Variants in ATF2 observed in about 807,000 individuals in gnomAD.
The protein encoded by ATF2 is cyclic AMP-dependent transcription factor ATF-2.
ATF2 carries 24 observed loss-of-function variants against 60.6 expected under a neutral mutation model. The ratio of observed to expected loss-of-function variants is 0.40; its 90% CI spans 0.29 to 0.56. ATF2 has a LOEUF of 0.56. Among genes scored for constraint, ATF2 ranks in the 20% least tolerant of loss-of-function variants. The probability of loss-of-function intolerance (pLI) is 0.54; values close to 1 mark genes in which losing one functional copy is unlikely to be tolerated. For missense variants in ATF2, 433 were observed against 607.7 expected, an observed-to-expected ratio of 0.71 and a Z score of 3.02; for synonymous variants, 206 against 215.4, an observed-to-expected ratio of 0.96 and a Z score of 0.38.
At chr2:175,121,055 C>A (rs1696924909) in intron 5 of ATF2, among the ~76,000 whole-genome samples, 1 of 151,756 alleles carries the variant, frequency 6.6e-6, no homozygotes, top group South Asian at 2.1e-4. Flanking sequence ...TGTTCTTTCT[C>A]CAATGGGAGA....
intron 12 of ATF2, among the ~76,000 whole-genome samples, chr2:175,091,092 CAT>C (rs1195463859): frequency 6.6e-6 from 1 of 152,132 alleles, no homozygotes; most frequent in Non-Finnish European, 1.5e-5. Context: ...TAAATAATAA[CAT>C]ATATGTATGT....
chr2:175,130,016 C>CA (rs1436448164), intron 4 of ATF2, 122 bp downstream of exon 4: 1 of 744,672 alleles, frequency 1.3e-6, no homozygotes, highest in African/African-American at 1.9e-5. Context: ...GGTTTTTTTT[C>CA]ATCCTAACTC....
chr2:175,156,052 AG>A (rs537551052), intron 1 of ATF2, among the ~76,000 whole-genome samples: 2 of 152,220 alleles, frequency 1.3e-5, no homozygotes, highest in South Asian at 4.1e-4. Flanking sequence ...CCACCACAAA[AG>A]GAACAGTGCA....
rs71419422 is a variant in ATF2 at position 175,126,022 on chromosome 2, G to T, written c.102+4116C>A. Among the ~76,000 whole-genome samples the T allele has an allele frequency of 1.3e-3, 196 of 152,124 alleles. 2 individuals are homozygous for T. The highest frequency in any genetic ancestry group is 0.011 in the South Asian group (51 of 4,802). On this transcript the variant is annotated intron_variant, in intron 4 of 13. Coordinates refer to ENST00000264110, the MANE Select transcript of ATF2 (RefSeq NM_001880.4). ...TTAGCTACACCTCCAAGAAAGAACT[G>T]TCCTATAATGTCTCCATTTCTGGTT...
chr2:175,127,231 CCT>C (rs1340533043), intron 4 of ATF2: 1 of 151,384 alleles, frequency 6.6e-6, no homozygotes, highest in Non-Finnish European at 1.5e-5. Context: ...AGAGTGAGAC[CCT>C]GTCTCGAGAA....
chr2:175,152,204 A>AT (rs1699356356), intron 1 of ATF2, among the ~76,000 whole-genome samples: 1 of 152,198 alleles, frequency 6.6e-6, no homozygotes, highest in Non-Finnish European at 1.5e-5. Flanking sequence ...GCAAACTACT[A>AT]AAGAGAGTTT....
chr2:175,120,925 T>C (rs1035219177), intron 5 of ATF2, among the ~76,000 whole-genome samples: 1 of 151,770 alleles, frequency 6.6e-6, no homozygotes, highest in Non-Finnish European at 1.5e-5. Context: ...ACGTTCATAG[T>C]GTCAACACAC....
At chr2:175,138,899 G>A (rs540135943) in intron 2 of ATF2, among the ~76,000 whole-genome samples, 7 of 152,266 alleles carry the variant, frequency 4.6e-5, no homozygotes, top group African/African-American at 1.7e-4. Flanking sequence ...CACAGCCAAA[G>A]GAATATGAGC....
At chr2:175,107,562 C>T (rs1282787109) in intron 10 of ATF2, among the ~76,000 whole-genome samples, 1 of 151,646 alleles carries the variant, frequency 6.6e-6, no homozygotes, top group African/African-American at 2.4e-5. Context: ...CTCCCTCTCC[C>T]TCTCCCCATG....
At chr2:175,090,246 T>C (rs1167299076) in intron 12 of ATF2, among the ~76,000 whole-genome samples, 1 of 152,158 alleles carries the variant, frequency 6.6e-6, no homozygotes, top group Non-Finnish European at 1.5e-5. Flanking sequence ...TTCACATAAA[T>C]GGAATGATAC....
At chr2:175,132,075 G>A (rs1045500994) in intron 3 of ATF2, among the ~76,000 whole-genome samples, 2 of 152,128 alleles carry the variant, frequency 1.3e-5, no homozygotes, top group African/African-American at 4.8e-5. Context: ...TATTCAACCT[G>A]TTGTGATATC....
intron 8 of ATF2, chr2:175,114,431 A>C: frequency 8.0e-7 from 1 of 1,244,162 alleles, no homozygotes; most frequent in Non-Finnish European, 1.0e-6. Flanking sequence ...CAGTAATTTT[A>C]TATTTTGTGT....
At position 175,129,082 on chromosome 2, in the gene ATF2, AT is replaced by A. The variant is rs562617411; in HGVS notation, c.102+1055del. Among the ~76,000 whole-genome samples the A allele has an allele frequency of 2.8e-3, 426 of 152,332 alleles. 3 individuals carry two copies. Among genetic ancestry groups the A allele is most frequent in the Non-Finnish European group, 3.4e-3 (234 of 68,004 alleles). On this transcript the variant is annotated intron_variant, in intron 4 of 13. Coordinates refer to ENST00000264110, the MANE Select transcript of ATF2 (RefSeq NM_001880.4). Reference sequence around the variant, plus strand: ...CATCAGCTTTATTAACAACTAAAAAATAGAAGTAAACCAATATCCATCAGAT... The same window carrying A: ...CATCAGCTTTATTAACAACTAAAAAAAGAAGTAAACCAATATCCATCAGAT...
chr2:175,161,922 A>G (rs1462438516), intron 1 of ATF2, among the ~76,000 whole-genome samples: 3 of 152,052 alleles, frequency 2.0e-5, no homozygotes, highest in Non-Finnish European at 1.5e-5. Context: ...CATCATGCCC[A>G]GCTAATTTTT....
intron 2 of ATF2, among the ~76,000 whole-genome samples, chr2:175,146,575 T>C (rs757279262): frequency 6.6e-6 from 1 of 152,146 alleles, no homozygotes; most frequent in Non-Finnish European, 1.5e-5. Flanking sequence ...CCTCCACTTA[T>C]CTGCAGCTTC....
intron 1 of ATF2, among the ~76,000 whole-genome samples, chr2:175,158,263 G>T (rs1699808841): frequency 6.8e-6 from 1 of 147,402 alleles, no homozygotes; most frequent in Middle Eastern, 3.4e-3. Context: ...TTGAGACAGG[G>T]TCTTGCTCTG....
At chr2:175,101,594 C>T (rs1695315449) in intron 10 of ATF2, among the ~76,000 whole-genome samples, 1 of 152,106 alleles carries the variant, frequency 6.6e-6, no homozygotes, top group South Asian at 2.1e-4. Flanking sequence ...GAGCTTAACT[C>T]TCAGAATTAA....
At chr2:175,108,590 C>T (rs1017819839) in intron 10 of ATF2, among the ~76,000 whole-genome samples, 8 of 146,744 alleles carry the variant, frequency 5.5e-5, no homozygotes, top group African/African-American at 1.8e-4. Context: ...CCGACCCGTC[C>T]GGGAGGTGGG....
chr2:175,145,232 A>T (rs549614225), intron 2 of ATF2, among the ~76,000 whole-genome samples: 21 of 152,272 alleles, frequency 1.4e-4, no homozygotes, highest in African/African-American at 5.1e-4. Flanking sequence ...ATATAGGTTG[A>T]ATATATGTCC....
Sources: gnomAD v4.1 joint callset for allele counts (sites outside exome capture counted in the v4.1 genomes callset) on GRCh38, gnomAD v4.1.1 for gene constraint, MANE v1.5 for transcripts, NCBI Gene and HGNC (gene_info 2026-07-23, HGNC 2026-07-21) for gene names.